The following PLXNA4 variants were observed in gnomAD, a reference collection of about 807,000 sequenced individuals.
PLXNA4 encodes the protein plexin A4.
A neutral mutation model predicts 191.8 loss-of-function variants in PLXNA4; 44 were observed. The observed-to-expected ratio is 0.23, with a 90% CI of 0.18 to 0.29. The LOEUF is 0.29. Among genes scored for constraint, PLXNA4 ranks in the 10% least tolerant of loss-of-function variants. The pLI is 1.00. For missense variants in PLXNA4, 1,800 were observed against 2,488.8 expected, an observed-to-expected ratio of 0.72 and a Z score of 5.89; for synonymous variants, 1,082 against 1,009.5, an observed-to-expected ratio of 1.07 and a Z score of -1.36.
rs57153762 is a variant in PLXNA4 at position 132,156,135 on chromosome 7, T to TACACACACACACAC, written c.4660+3324_4660+3337dup. Among the ~76,000 whole-genome samples, 583 of 133,074 alleles carry TACACACACACACAC rather than the reference T, an allele frequency of 4.4e-3. 13 individuals carry two copies. The highest frequency in any genetic ancestry group is 0.014 in the African/African-American group (466 of 34,384). 87.3% of individuals were successfully genotyped at this position (133,074 alleles called of 152,430 possible). On this transcript the variant is annotated intron_variant, in intron 25 of 31. Transcript: ENST00000321063. Reference sequence around the variant, plus strand: ...CTCTCTCTCTCTCTGTTTCTGGACATACACACACACACACACACACACACA... The same window carrying TACACACACACACAC: ...CTCTCTCTCTCTCTGTTTCTGGACATACACACACACACACACACACACACACACACACACACACA...
At chr7:132,532,793 T>C (rs754465736) in intron 1 of PLXNA4, among the ~76,000 whole-genome samples, 3 of 152,262 alleles carry the variant, frequency 2.0e-5, no homozygotes, top group Admixed American at 6.5e-5. Context: ...ATGCATGTCC[T>C]GTGCTTTCCT....
chr7:132,224,189 G>T (rs1798237835), intron 8 of PLXNA4, among the ~76,000 whole-genome samples: 2 of 152,060 alleles, frequency 1.3e-5, no homozygotes, highest in African/African-American at 4.8e-5. Flanking sequence ...AGCCCAACAT[G>T]GTTCCCTTTT....
At chr7:132,493,449 C>G (rs1262681424) in intron 2 of PLXNA4, among the ~76,000 whole-genome samples, 1 of 152,178 alleles carries the variant, frequency 6.6e-6, no homozygotes, top group Non-Finnish European at 1.5e-5. Flanking sequence ...TTGGACAACC[C>G]TGTGGACAGA....
intron 1 of PLXNA4, among the ~76,000 whole-genome samples, chr7:132,547,964 A>G (rs555114661): frequency 1.2e-4 from 19 of 152,208 alleles, no homozygotes; most frequent in Non-Finnish European, 1.6e-4. Flanking sequence ...TGACGCACAC[A>G]CAGGCCCTGG....
chr7:132,497,099 C>G (rs1454799868), intron 2 of PLXNA4, among the ~76,000 whole-genome samples: 1 of 146,210 alleles, frequency 6.8e-6, no homozygotes, highest in Non-Finnish European at 1.5e-5. Context: ...ATTAATTACA[C>G]TTATGCACAC....
At chr7:132,585,877 G>T (rs952263409) in intron 2 of PLXNA4, among the ~76,000 whole-genome samples, 3 of 152,194 alleles carry the variant, frequency 2.0e-5, no homozygotes, top group South Asian at 2.1e-4. Flanking sequence ...CCCAACTTGG[G>T]GGGTTAGTGC....
intron 21 of PLXNA4, among the ~76,000 whole-genome samples, 168 bp downstream of exon 21, chr7:132,174,610 C>A (rs1158646458): frequency 6.6e-6 from 1 of 152,218 alleles, no homozygotes; most frequent in Non-Finnish European, 1.5e-5. Flanking sequence ...CCTGGCTTGG[C>A]CCCACCTCTT....
intron 2 of PLXNA4, among the ~76,000 whole-genome samples, chr7:132,645,296 C>T (rs1293733265): frequency 1.3e-5 from 2 of 152,070 alleles, no homozygotes; most frequent in Non-Finnish European, 2.9e-5. Context: ...GTGATTGGAT[C>T]GTGGGAGCAG....
intron 3 of PLXNA4, among the ~76,000 whole-genome samples, chr7:132,466,254 G>A (rs147939543): frequency 1.7e-3 from 257 of 152,286 alleles, no homozygotes; most frequent in African/African-American, 5.9e-3. Flanking sequence ...TGTAGGTCTC[G>A]GGCAGGAGTT....
chr7:132,437,962 T>A (rs1175354404), intron 3 of PLXNA4, among the ~76,000 whole-genome samples: 2 of 152,074 alleles, frequency 1.3e-5, no homozygotes, highest in Non-Finnish European at 2.9e-5. Context: ...GCCCATGGGT[T>A]CTGTGGAGGC....
intron 4 of PLXNA4, among the ~76,000 whole-genome samples, chr7:132,297,572 C>T (rs1412694022): frequency 6.6e-6 from 1 of 152,154 alleles, no homozygotes; most frequent in Non-Finnish European, 1.5e-5. Flanking sequence ...GCTGGAGTTT[C>T]CACAAAGAGT....
rs1022353047 is a variant in PLXNA4, at chr7:132,344,411, C to T, written c.1372-46189G>A. ...AGAAAAACTTTGAGCTCCCCAGAGG[C>T]AAGGGAGGGACCAGTGCAATGGAGG... On this transcript the variant is annotated intron_variant, in intron 3 of 31. Transcript: ENST00000321063. Among the ~76,000 whole-genome samples the T allele has an allele frequency of 3.3e-5, 5 of 152,148 alleles. 1 individual carries two copies. Among genetic ancestry groups the T allele is most frequent in the African/African-American group, 1.2e-4 (5 of 41,432 alleles).
chr7:132,582,370 A>G (rs1013156056), intron 2 of PLXNA4, among the ~76,000 whole-genome samples: 1 of 152,196 alleles, frequency 6.6e-6, no homozygotes, highest in Non-Finnish European at 1.5e-5. Flanking sequence ...AAGCTGTTCT[A>G]AGTGACTGTG....
rs191841597 is a variant in PLXNA4 at position 132,573,636 on chromosome 7, G to C, written c.-87+2786C>G. ...TGTCTGCAGGGAGTAGCAGCAGCAGGCGACAGGAAGGCACAGAGAAGGAGA... is the reference window on the plus strand; with the variant it reads ...TGTCTGCAGGGAGTAGCAGCAGCAGCCGACAGGAAGGCACAGAGAAGGAGA... On this transcript the variant is annotated intron_variant, in intron 1 of 31. Transcript: ENST00000321063. 4.9e-3 allele frequency among the ~76,000 whole-genome samples: 664 copies of C among 135,198 alleles called. 7 individuals carry two copies. The East Asian group carries it at 0.056, about 11-fold the overall frequency. The allele number at this position is 135,198 out of a possible 152,430, so 88.7% of individuals were successfully genotyped here. A position where few individuals can be genotyped will look rare whatever the true frequency, so the allele number is the denominator to read the frequency against.
At chr7:132,419,893 T>C (rs1330274525) in intron 3 of PLXNA4, among the ~76,000 whole-genome samples, 1 of 152,216 alleles carries the variant, frequency 6.6e-6, no homozygotes, top group Non-Finnish European at 1.5e-5. Flanking sequence ...TCATGTCACT[T>C]TCATGGGCTA....
At chr7:132,133,303 C>T in intron 30 of PLXNA4, 104 bp from the exon 31 acceptor site, 4 of 1,527,546 alleles carry the variant, frequency 2.6e-6, no homozygotes, top group Non-Finnish European at 3.5e-6. Flanking sequence ...TCAGCTTGCA[C>T]TGCAGGTAGT....
At chr7:132,416,114 T>C (rs1327504248) in intron 3 of PLXNA4, among the ~76,000 whole-genome samples, 1 of 152,218 alleles carries the variant, frequency 6.6e-6, no homozygotes, top group Non-Finnish European at 1.5e-5. Context: ...AGTGCAGATA[T>C]GAATATTGCC....
At chr7:132,237,177 A>G (rs1798729581) in intron 5 of PLXNA4, among the ~76,000 whole-genome samples, 1 of 152,204 alleles carries the variant, frequency 6.6e-6, no homozygotes, top group Non-Finnish European at 1.5e-5. Context: ...TTTATTAAAA[A>G]TATCTTAGAA....
At chr7:132,534,321 C>G (rs911254286) in intron 1 of PLXNA4, among the ~76,000 whole-genome samples, 1 of 152,198 alleles carries the variant, frequency 6.6e-6, no homozygotes, top group Non-Finnish European at 1.5e-5. Context: ...GCCACCGCCC[C>G]TACTAACTAC....
Sources: allele counts gnomAD v4.1 joint callset (sites outside exome capture counted in the v4.1 genomes callset), GRCh38; gene constraint gnomAD v4.1.1; transcripts MANE v1.5; gene names NCBI Gene and HGNC (gene_info 2026-07-23, HGNC 2026-07-21).